The following GXYLT2 variants were observed in gnomAD, a reference collection of about 807,000 sequenced individuals.
The protein encoded by GXYLT2 is glycosyltransferase 8 domain containing 4.
A neutral mutation model predicts 45.8 loss-of-function variants in GXYLT2; 53 were observed. That is an observed-to-expected ratio of 1.16 (90% CI 0.93 to 1.46). The LOEUF (loss-of-function observed/expected upper bound fraction) is 1.46. GXYLT2 is among the 40% of genes most tolerant of loss of function. The probability of loss-of-function intolerance (pLI) is 0.00; values close to 1 mark genes in which losing one functional copy is unlikely to be tolerated. For missense variants in GXYLT2, 551 were observed against 544.4 expected (o/e 1.01, Z -0.12); for synonymous variants, 219 against 214.2 (o/e 1.02, Z -0.19).
At chr3:72,914,640 G>T (rs1463932675) in intron 2 of GXYLT2, among the ~76,000 whole-genome samples, 1 of 152,144 alleles carries the variant, frequency 6.6e-6, no homozygotes, top group East Asian at 1.9e-4. Flanking sequence ...GCCATGGGAA[G>T]AATTGTCATC....
rs537932093 is a variant in GXYLT2, at chr3:72,963,743, G to A, written c.977-3804G>A. On this transcript the variant is annotated intron_variant, in intron 5 of 6. Coordinates refer to ENST00000389617, the MANE Select transcript of GXYLT2 (RefSeq NM_001080393.2). ...GCTGGAGGGCAATGGCACGATCTTG[G>A]CTCACCGCAACCTCTGCCTCCCAGG... Among the ~76,000 whole-genome samples, 4 of 148,642 alleles carry A rather than the reference G, an allele frequency of 2.7e-5. No individual in the cohort carries two copies. The Admixed American group carries it at 2.8e-4, about 10-fold the overall frequency.
chr3:72,921,539 G>T (rs994668869), intron 2 of GXYLT2, among the ~76,000 whole-genome samples: 2 of 151,884 alleles, frequency 1.3e-5, no homozygotes, highest in African/African-American at 4.8e-5. Flanking sequence ...AGCAATTCTC[G>T]TGTCTCAGCC....
intron 5 of GXYLT2, among the ~76,000 whole-genome samples, chr3:72,966,458 C>CTTTTTTTTTTTTTTTTTTTTTT (rs10662974): frequency 2.0e-5 from 2 of 101,640 alleles, no homozygotes; most frequent in African/African-American, 4.0e-5. Context: ...TTGTGTGTAT[C>CTTTTTTTTTTTTTTTTTTTTTT]TTTTTTTTTT....
intron 1 of GXYLT2, among the ~76,000 whole-genome samples, chr3:72,902,905 C>A (rs1037886301): frequency 6.6e-6 from 1 of 152,124 alleles, no homozygotes; most frequent in South Asian, 2.1e-4. Context: ...CCCAGCTACT[C>A]GGGAGGCTGA....
chr3:72,898,266 C>T (rs973630793), intron 1 of GXYLT2, among the ~76,000 whole-genome samples: 1 of 152,164 alleles, frequency 6.6e-6, no homozygotes, highest in Non-Finnish European at 1.5e-5. Flanking sequence ...CCCCTCTAAG[C>T]TTTAAAGTCT....
intron 3 of GXYLT2, among the ~76,000 whole-genome samples, chr3:72,930,034 C>T (rs1307247381): frequency 2.0e-5 from 3 of 151,484 alleles, no homozygotes; most frequent in Admixed American, 6.6e-5. Flanking sequence ...GGCGTGGTGG[C>T]GTGCACCTGT....
intron 3 of GXYLT2, chr3:72,929,357 C>T: frequency 4.8e-6 from 5 of 1,042,808 alleles, no homozygotes; most frequent in Non-Finnish European, 3.0e-6. Context: ...GTGTGCATTA[C>T]ATTTGGGGAA....
At chr3:72,903,088 G>A (rs1247034164) in intron 1 of GXYLT2, among the ~76,000 whole-genome samples, 1 of 152,190 alleles carries the variant, frequency 6.6e-6, no homozygotes, top group African/African-American at 2.4e-5. Flanking sequence ...CTTTATTGTT[G>A]TTGGTGTTGT....
At chr3:72,919,686 C>T (rs143282688) in intron 2 of GXYLT2, among the ~76,000 whole-genome samples, 8 of 152,258 alleles carry the variant, frequency 5.3e-5, no homozygotes, top group Middle Eastern at 3.4e-3. Flanking sequence ...ACGTGGGAGG[C>T]GGCGGTTGCA....
At chr3:72,891,283 T>C (rs1021440817) in intron 1 of GXYLT2, among the ~76,000 whole-genome samples, 1 of 152,120 alleles carries the variant, frequency 6.6e-6, no homozygotes, top group South Asian at 2.1e-4. Context: ...TGTGACACAG[T>C]CCACCACCTG....
intron 2 of GXYLT2, among the ~76,000 whole-genome samples, chr3:72,912,759 G>T (rs1709657712): frequency 6.6e-6 from 1 of 152,156 alleles, no homozygotes. Flanking sequence ...AAGGCTTCCA[G>T]CTGAGGCCCC....
chr3:72,912,278 G>A (rs1709646705), intron 2 of GXYLT2, among the ~76,000 whole-genome samples: 1 of 152,006 alleles, frequency 6.6e-6, no homozygotes, highest in Admixed American at 6.6e-5. Flanking sequence ...TCAAAGTGCT[G>A]GGATTACAGG....
intron 4 of GXYLT2, among the ~76,000 whole-genome samples, 174 bp from the exon 5 acceptor site, chr3:72,957,055 G>A (rs1194158291): frequency 1.4e-5 from 2 of 147,510 alleles, no homozygotes; most frequent in African/African-American, 2.5e-5. Context: ...TGAAAAAAGC[G>A]ATACAATCAA....
At chr3:72,971,755 C>T (rs531816271) in intron 6 of GXYLT2, among the ~76,000 whole-genome samples, 4 of 152,000 alleles carry the variant, frequency 2.6e-5, no homozygotes, top group Non-Finnish European at 5.9e-5. Flanking sequence ...TCGAGAACAG[C>T]GTGGCCAAAA....
Position 72,957,271 on chromosome 3 carries a change from T to G in GXYLT2, c.895T>G (p.Tyr299Asp). ...AGGCCTGGCTTGGGAGGACATGTTG[T>G]ACCCTCTGTACCAGAAGTACAAGAA... Reference protein sequence around the residue: ...PTGLAWEDMLYPLYQKYKNAI... With the variant: ...PTGLAWEDMLDPLYQKYKNAI... Residue 299 changes from tyrosine (Y) to aspartate (D), a missense_variant, in exon 5 of 7, where the codon TAC becomes GAC. By Grantham distance (160) the Tyr-to-Asp change is radical (BLOSUM62 -3). Transcript: ENST00000389617. 6.2e-7 allele frequency: 1 copy of G among 1,613,386 alleles called. No homozygotes were observed. The highest frequency in any genetic ancestry group is 8.5e-7 in the Non-Finnish European group (1 of 1,179,536).
rs560269861 is a variant in GXYLT2, at chr3:72,936,962, C to T, written c.600+14627C>T. Among the ~76,000 whole-genome samples, 56 of 152,164 alleles carry T rather than the reference C, an allele frequency of 3.7e-4. No individual in the cohort carries two copies. In the South Asian group the frequency reaches 9.5e-3, roughly 26 times the overall value. ...TTATTTAGACACACAGAGGTATATA[C>T]CTACAGAATCAATTTAAATAATTGG... On this transcript the variant is annotated intron_variant, in intron 3 of 6. Transcript: ENST00000389617.
chr3:72,964,551 G>A (rs1003355307), intron 5 of GXYLT2, among the ~76,000 whole-genome samples: 1 of 151,956 alleles, frequency 6.6e-6, no homozygotes, highest in Non-Finnish European at 1.5e-5. Context: ...TCGAACTCCT[G>A]ACCTCGTGAT....
At chr3:72,966,434 T>C (rs1327210557) in intron 5 of GXYLT2, among the ~76,000 whole-genome samples, 4 of 149,978 alleles carry the variant, frequency 2.7e-5, no homozygotes, top group Non-Finnish European at 5.9e-5. Context: ...GCTAACACTA[T>C]TTTTGACATT....
chr3:72,933,485 G>A (rs960544470), intron 3 of GXYLT2, among the ~76,000 whole-genome samples: 2 of 152,150 alleles, frequency 1.3e-5, no homozygotes, highest in South Asian at 2.1e-4. Flanking sequence ...TTACTGTAAC[G>A]TAGTTCTTTG....
Sources: allele counts gnomAD v4.1 joint callset (sites outside exome capture counted in the v4.1 genomes callset), GRCh38; gene constraint gnomAD v4.1.1; transcripts MANE v1.5; gene names NCBI Gene and HGNC (gene_info 2026-07-23, HGNC 2026-07-21).